Variants in SVIL observed in about 807,000 individuals in gnomAD.
The protein encoded by SVIL is archvillin.
In SVIL, 101 loss-of-function variants were observed where a neutral mutation model predicts 240.4. The observed-to-expected ratio is 0.42, with a 90% CI of 0.36 to 0.50. SVIL has a LOEUF of 0.50. Among genes scored for constraint, SVIL ranks in the 20% least tolerant of loss-of-function variants. The pLI is 0.01. For synonymous variants in SVIL, 999 were observed against 1,100.0 expected (o/e 0.91, Z 1.82); for missense variants, 2,512 against 2,818.7 (o/e 0.89, Z 2.46).
In SVIL at chr10:29,499,158, C is replaced by A; in HGVS notation, c.3622G>T (p.Asp1208Tyr). 1.2e-6 allele frequency: 2 copies of A among 1,614,058 alleles called. No individual in the cohort carries two copies. The highest frequency in any genetic ancestry group is 1.7e-6 in the Non-Finnish European group (2 of 1,180,024). ...CCAGCCACAGTGAACTGGGTCGAGT[C>A]GTTGGCCGCTCCTCTGCCTCTCGTC... ...WKTRGRGAAN[D>Y]STQFTVAGRM... is the part of the protein sequence containing the mutation. Residue 1208 changes from aspartate (D) to tyrosine (Y), a missense_variant, in exon 18 of 38, where the codon GAC becomes TAC. Physicochemically the swap from Asp to Tyr is radical, Grantham distance 160. Transcript: ENST00000355867.
rs547409986 is a variant in SVIL at position 29,668,144 on chromosome 10, C to T, written c.-300-10076G>A. 1.5e-4 allele frequency among the ~76,000 whole-genome samples: 23 copies of T among 152,230 alleles called. No homozygotes were observed. In the South Asian group the frequency reaches 4.6e-3, roughly 30 times the overall value. On this transcript the variant is annotated intron_variant, in intron 2 of 35. Transcript: ENST00000375400. ...CTTAGCCATATAAAATTTCTTAAAGCTACCTCTGAGTGTTTAGATAATAAT... is the reference window on the plus strand; with the variant it reads ...CTTAGCCATATAAAATTTCTTAAAGTTACCTCTGAGTGTTTAGATAATAAT...
intron 16 of SVIL, among the ~76,000 whole-genome samples, chr10:29,521,734 G>T (rs1256708557): frequency 6.6e-6 from 1 of 152,074 alleles, no homozygotes; most frequent in Non-Finnish European, 1.5e-5. Flanking sequence ...CATCCCCAAG[G>T]TAATTTACTT....
chr10:29,663,923 G>A (rs1934607636), intron 2 of SVIL, among the ~76,000 whole-genome samples: 1 of 152,290 alleles, frequency 6.6e-6, no homozygotes, highest in African/African-American at 2.4e-5. Flanking sequence ...GGCACATCAA[G>A]GAGAGGGAGC....
At position 29,512,819 on chromosome 10, in the gene SVIL, G is replaced by A. The variant is rs758035405; in HGVS notation, c.3432C>T (p.Asn1144=). ...CGCCCTCCTGCCTCCTGCTGAGTCT[G>A]TTTCTCCAATCTTCCTCCCCGCTTT... is the stretch of plus-strand genomic sequence containing the variant. ...LKKSGEEDWR[N]RLSRRQEGGK... is the part of the protein sequence containing the mutation. Residue 1144 remains asparagine, a synonymous_variant, in exon 17 of 38, where the codon AAC becomes AAT. Coordinates refer to ENST00000355867, the MANE Select transcript of SVIL (RefSeq NM_021738.3). 6.2e-7 allele frequency: 1 copy of A among 1,612,320 alleles called. No homozygotes were observed. The highest frequency in any genetic ancestry group is 8.5e-7 in the Non-Finnish European group (1 of 1,180,000).
chr10:29,530,707 A>T (rs1315778289), intron 10 of SVIL, 39 bp from the exon 11 acceptor site: 3 of 1,612,982 alleles, frequency 1.9e-6, no homozygotes, highest in Non-Finnish European at 2.5e-6. Flanking sequence ...ACATCATTAG[A>T]GAAGGTTAAG....
chr10:29,613,536 C>T lies in SVIL; in HGVS notation c.-201+20884G>A, dbSNP rs181910842. On this transcript the variant is annotated intron_variant, in intron 1 of 37. Coordinates refer to ENST00000355867, the MANE Select transcript of SVIL (RefSeq NM_021738.3). ...TTTTTTTGTAAAGATGGAGGTCTCA[C>T]TATGTTGCCAGGGCTTGTCTTGAAC... 1.5e-3 allele frequency among the ~76,000 whole-genome samples: 224 copies of T among 152,078 alleles called. 2 individuals carry two copies. Among genetic ancestry groups the T allele is most frequent in the Admixed American group, 0.014 (212 of 15,268 alleles).
chr10:29,658,608 T>C (rs1179584148), intron 2 of SVIL, among the ~76,000 whole-genome samples: 1 of 152,080 alleles, frequency 6.6e-6, no homozygotes, highest in African/African-American at 2.4e-5. Flanking sequence ...TTGAACAAAT[T>C]AGCTGAGCGT....
intron 1 of SVIL, among the ~76,000 whole-genome samples, chr10:29,593,571 C>T (rs984698603): frequency 6.6e-6 from 1 of 152,198 alleles, no homozygotes; most frequent in East Asian, 1.9e-4. Context: ...ACATCAAATG[C>T]CTTCCACTCT....
rs1943820004 is a variant in SVIL, at chr10:29,458,439, A to G, written c.6553T>C (p.Phe2185Leu). The G allele has an allele frequency of 6.3e-7, 1 of 1,584,898 alleles. No individual in the cohort carries two copies. Among genetic ancestry groups the G allele is most frequent in the African/African-American group, 1.3e-5 (1 of 74,158 alleles). The change falls in exon 37 of 38, where the codon TTC becomes CTC. Residue 2185 changes from phenylalanine (F) to leucine (L), a missense_variant. Around this residue, in one of 3 missense-constraint regions of SVIL, gnomAD observed 797 missense variants for 925.3 expected, o/e 0.86. Coordinates refer to ENST00000355867, the MANE Select transcript of SVIL (RefSeq NM_021738.3). ...CCACCGGAAGAACCGCTTACCTCGA[A>G]GTCTTCGTCGGTGAGATAGATCTCA... ...KLEIYLTDED[F>L]EFALDMTRDE... is the part of the protein sequence containing the mutation.
In SVIL at chr10:29,503,710, A is replaced by G. The variant is rs140345692; in HGVS notation, c.3517-4447T>C. On this transcript the variant is annotated intron_variant, in intron 17 of 37. Coordinates refer to ENST00000355867, the MANE Select transcript of SVIL (RefSeq NM_021738.3). ...AATGTTAATTTCCTTTAAACTTAACAATATATGGAGATATATTCCATGTTC... is the reference window on the plus strand; with the variant it reads ...AATGTTAATTTCCTTTAAACTTAACGATATATGGAGATATATTCCATGTTC... 1.2e-4 allele frequency among the ~76,000 whole-genome samples: 19 copies of G among 152,388 alleles called. No individual in the cohort carries two copies. The East Asian group carries it at 3.7e-3, about 29-fold the overall frequency.
At chr10:29,465,520 C>A in intron 34 of SVIL, 75 bp downstream of exon 34, 1 of 1,517,396 alleles carries the variant, frequency 6.6e-7, no homozygotes, top group Admixed American at 2.3e-5. Context: ...TTAATAAATA[C>A]CAACGTAAAA....
upstream of SVIL, among the ~76,000 whole-genome samples, chr10:29,635,435 C>T (rs750471756): frequency 1.3e-5 from 2 of 152,170 alleles, no homozygotes; most frequent in Non-Finnish European, 2.9e-5. Flanking sequence ...CTTCCCACTT[C>T]CAATAACTGT....
chr10:29,516,666 T>C (rs3780844), intron 16 of SVIL, among the ~76,000 whole-genome samples: 41,538 of 152,210 alleles, frequency 0.27, 6,016 homozygotes, highest in Non-Finnish European at 0.33. Flanking sequence ...GCTGGGAGCC[T>C]GGGCAGTGGC....
At chr10:29,502,005 T>C (rs1215379530) in intron 17 of SVIL, among the ~76,000 whole-genome samples, 1 of 152,156 alleles carries the variant, frequency 6.6e-6, no homozygotes, top group Non-Finnish European at 1.5e-5. Context: ...ATTTCGTTTT[T>C]CAAAGCACTG....
At chr10:29,688,169 TA>T (rs1961235156) in intron 1 of SVIL, among the ~76,000 whole-genome samples, 1 of 152,236 alleles carries the variant, frequency 6.6e-6, no homozygotes, top group African/African-American at 2.4e-5. Flanking sequence ...CTTCTGAATA[TA>T]AATGAAAAGT....
intron 2 of SVIL, among the ~76,000 whole-genome samples, chr10:29,663,811 T>C (rs1458456068): frequency 6.6e-6 from 1 of 152,224 alleles, no homozygotes; most frequent in Non-Finnish European, 1.5e-5. Flanking sequence ...AGGGAGGCAG[T>C]GGGCAGAGCA....
chr10:29,521,228 GA>G (rs759415423), intron 16 of SVIL, among the ~76,000 whole-genome samples: 2,293 of 63,736 alleles, frequency 0.036, 28 homozygotes, highest in African/African-American at 0.073. Context: ...GTCTCAAAAA[GA>G]AAAAAAAAAA....
intron 30 of SVIL, among the ~76,000 whole-genome samples, chr10:29,472,995 CAG>C (rs1468029032): frequency 1.1e-4 from 17 of 152,096 alleles, no homozygotes; most frequent in Admixed American, 6.5e-4. Context: ...AGGCTGTACA[CAG>C]GGGTACATAC....
At chr10:29,708,752 C>T (rs1046869717) in intron 1 of SVIL, among the ~76,000 whole-genome samples, 3 of 152,070 alleles carry the variant, frequency 2.0e-5, no homozygotes, top group African/African-American at 4.8e-5. Flanking sequence ...TGCTGGGAAG[C>T]CTGCTGGGTG....
Sources: allele counts gnomAD v4.1 joint callset (sites outside exome capture counted in the v4.1 genomes callset), GRCh38; gene constraint gnomAD v4.1.1; regional missense constraint gnomAD v4.1.1; transcripts MANE v1.5; gene names NCBI Gene and HGNC (gene_info 2026-07-23, HGNC 2026-07-21).